The following PCGF2 variants were observed in gnomAD, a reference collection of about 807,000 sequenced individuals.
PCGF2 encodes the protein polycomb group RING finger protein 2.
PCGF2 carries 8 observed loss-of-function variants against 36.1 expected under a neutral mutation model. The ratio of observed to expected loss-of-function variants is 0.22; its 90% confidence interval spans 0.13 to 0.40. The LOEUF is 0.40. Ranked by LOEUF, PCGF2 falls within the 10% of genes least tolerant of loss-of-function variation. The pLI is 1.00. For missense variants in PCGF2, 436 were observed against 475.9 expected (o/e 0.92, Z 0.78); for synonymous variants, 198 against 191.2 (o/e 1.04, Z -0.29).
intron 2 of PCGF2, 121 bp from the exon 3 acceptor site, chr17:38,740,563 T>TC (rs1374909477): frequency 1.6e-6 from 1 of 639,958 alleles, no homozygotes; most frequent in Non-Finnish European, 2.6e-6. Context: ...ATTGAGACCA[T>TC]CTTGACTAAC....
rs376422988 is a variant in PCGF2, at chr17:38,739,623, C to G, written c.172G>C (p.Val58Leu). The G allele has an allele frequency of 6.2e-7, 1 of 1,613,942 alleles. No homozygotes were observed. The highest frequency in any genetic ancestry group is 8.5e-7 in the Non-Finnish European group (1 of 1,179,958). The change falls in exon 4 of 11, where the codon GTG (valine) becomes CTG (leucine). Residue 58 changes from valine (V) to leucine (L), a missense_variant. By Grantham distance (32) the Val-to-Leu change is conservative. This residue lies in a region of PCGF2 where 189 missense variants were observed against 219.3 expected (regional missense o/e 0.86). Transcript: ENST00000620225. The surrounding 1 kb of genome is among the most constrained non-coding windows in gnomAD (Gnocchi z 4.0). ...ETNKYCPMCD[V>L]QVHKTRPLLS... ...AGCGGCCGGGTTTTATGGACCTGCA[C>G]GTCACACATGGGGCAGTATTTGTTG...
chr17:38,745,534 C>T (rs985176090), intron 2 of PCGF2, among the ~76,000 whole-genome samples: 1 of 152,158 alleles, frequency 6.6e-6, no homozygotes, highest in African/African-American at 2.4e-5. Context: ...GAAAAAGAAG[C>T]ACCTGTTCAA....
chr17:38,748,348 GGAGGGA>G (rs1907694908), upstream of PCGF2: 1 of 143,876 alleles, frequency 7.0e-6, no homozygotes, highest in Admixed American at 6.9e-5. Context: ...GCTTGGGGTG[GGAGGGA>G]GAGGGGAGGG....
Position 38,739,770 on chromosome 17 carries a change from C to G in PCGF2, c.113-88G>C. 1 of 919,110 alleles carries G rather than the reference C, an allele frequency of 1.1e-6. No individual in the cohort carries two copies. The highest frequency in any genetic ancestry group is 1.6e-5 in the African/African-American group (1 of 61,974). 56.9% of individuals were successfully genotyped at this position (919,110 alleles called of 1,614,324 possible). A position where few individuals can be genotyped will look rare whatever the true frequency, so the allele number is the denominator to read the frequency against. ...CCGCCCTCTGCTCAGACTCAGATATCCCTCCTCCTCCACCCTGTCCCTGCT... is the reference window on the plus strand; with the variant it reads ...CCGCCCTCTGCTCAGACTCAGATATGCCTCCTCCTCCACCCTGTCCCTGCT... On this transcript the variant is annotated intron_variant, in intron 3 of 10. Coordinates refer to ENST00000620225, the MANE Select transcript of PCGF2 (RefSeq NM_007144.3). The surrounding 1 kb of genome is among the most constrained non-coding windows in gnomAD (Gnocchi z 4.0).
chr17:38,738,106 C>T (rs905564881), intron 9 of PCGF2, among the ~76,000 whole-genome samples: 1 of 152,214 alleles, frequency 6.6e-6, no homozygotes, highest in Non-Finnish European at 1.5e-5. Flanking sequence ...ACCTCTGCCA[C>T]AGTTCCGAGT....
chr17:38,739,275 T>A lies in PCGF2; in HGVS notation c.210-22A>T, dbSNP rs931146937. ...AGACCTGGGGAAAAATGGACAGGGC[T>A]TATCAGCAATGCCTTCTCCAGAGCG... On this transcript the variant is annotated intron_variant, in intron 4 of 10. Transcript: ENST00000620225. The surrounding 1 kb of genome is among the most constrained non-coding windows in gnomAD (Gnocchi z 4.0). 6.2e-7 allele frequency: 1 copy of A among 1,608,336 alleles called. No individual in the cohort carries two copies. Among genetic ancestry groups the A allele is most frequent in the Non-Finnish European group, 8.5e-7 (1 of 1,175,040 alleles).
In PCGF2 at chr17:38,740,281, C is replaced by T. The variant is rs2075057; in HGVS notation, c.112+10G>A. Reference sequence around the variant, plus strand: ...GCCCACCCTGAGCAGCTCCCCTCCCCCCAACTCACAGGAATGCAGGCACTC... The same window carrying T: ...GCCCACCCTGAGCAGCTCCCCTCCCTCCAACTCACAGGAATGCAGGCACTC... On this transcript the variant is annotated intron_variant, in intron 3 of 10. Coordinates refer to ENST00000620225, the MANE Select transcript of PCGF2 (RefSeq NM_007144.3). 103,206 of 1,610,792 alleles carry T rather than the reference C, an allele frequency of 0.064. 7,144 individuals are homozygous for T. Among genetic ancestry groups the T allele is most frequent in the African/African-American group, 0.33 (25,026 of 74,802 alleles).
At position 38,735,001 on chromosome 17, in the gene PCGF2, T is replaced by C. The variant is rs976161308; in HGVS notation, c.*222A>G. 2 of 372,916 alleles carry C rather than the reference T, an allele frequency of 5.4e-6. No individual in the cohort carries two copies. The highest frequency in any genetic ancestry group is 9.5e-6 in the Non-Finnish European group (2 of 210,864). 23.1% of individuals were successfully genotyped at this position (372,916 alleles called of 1,614,324 possible). On this transcript the variant is annotated 3_prime_UTR_variant, in exon 11 of 11. Transcript: ENST00000620225. Reference sequence around the variant, plus strand: ...CCACACATACACACACACATAAAGTTTGTTTCCTGTGGCATTTAAATTAAT... The same window carrying C: ...CCACACATACACACACACATAAAGTCTGTTTCCTGTGGCATTTAAATTAAT...
intron 2 of PCGF2, among the ~76,000 whole-genome samples, chr17:38,744,286 C>G (rs1016120228): frequency 6.6e-6 from 1 of 152,230 alleles, no homozygotes; most frequent in Non-Finnish European, 1.5e-5. Context: ...GCCATTCAAG[C>G]CTGGCACTTG....
At chr17:38,740,770 G>GAA (rs987777709) in intron 2 of PCGF2, among the ~76,000 whole-genome samples, 1 of 151,170 alleles carries the variant, frequency 6.6e-6, no homozygotes, top group Non-Finnish European at 1.5e-5. Context: ...AAAAAGAAAA[G>GAA]AAAAAAGAAA....
At chr17:38,746,884 C>G (rs1422925952) in intron 2 of PCGF2, among the ~76,000 whole-genome samples, 1 of 152,210 alleles carries the variant, frequency 6.6e-6, no homozygotes, top group Non-Finnish European at 1.5e-5. Context: ...TTTATGCTCC[C>G]AGTAATAACA....
At chr17:38,736,746 A>G (rs191317357) in intron 9 of PCGF2, among the ~76,000 whole-genome samples, 1,642 of 152,264 alleles carry the variant, frequency 0.011, 10 homozygotes, top group Non-Finnish European at 0.017. Context: ...AGGCAGGAGA[A>G]TGGCGTGAAC....
In PCGF2 at chr17:38,735,528, G is replaced by A. The variant is rs1478818214; in HGVS notation, c.730C>T (p.Pro244Ser). The A allele has an allele frequency of 1.3e-6, 2 of 1,590,436 alleles. No individual in the cohort carries two copies. Among genetic ancestry groups the A allele is most frequent in the Non-Finnish European group, 8.6e-7 (1 of 1,168,538 alleles). ...KRLTLATVPTPSEGTNTSGAS... is the reference protein window; with the variant it reads ...KRLTLATVPTSSEGTNTSGAS... ...CCGCTGGTGTTGGTGCCCTCGGAGG[G>A]GGTGGGCACCGTGGCTAGGGTGAGC... Residue 244 changes from proline (P) to serine (S), a missense_variant, in exon 11 of 11, where the codon CCC becomes TCC. Physicochemically the swap from Pro to Ser is moderately conservative, Grantham distance 74 (BLOSUM62 -1). Around this residue, in one of 3 missense-constraint regions of PCGF2, gnomAD observed 227 missense variants for 212.9 expected, o/e 1.07. Coordinates refer to ENST00000620225, the MANE Select transcript of PCGF2 (RefSeq NM_007144.3).
intron 3 of PCGF2, 106 bp downstream of exon 3, chr17:38,740,185 G>A: frequency 1.0e-6 from 1 of 987,648 alleles, no homozygotes; most frequent in Non-Finnish European, 1.6e-6. Context: ...TGGGCGCGTT[G>A]GCTCTTTAGG....
intron 10 of PCGF2, among the ~76,000 whole-genome samples, 174 bp downstream of exon 10, chr17:38,735,916 C>T (rs1254508117): frequency 1.3e-5 from 2 of 152,220 alleles, no homozygotes; most frequent in Non-Finnish European, 2.9e-5. Flanking sequence ...AGCGGAAAGT[C>T]ATCCGCAAGA....
rs1906685377 is a variant in PCGF2 at position 38,735,994 on chromosome 17, A to G, written c.657+96T>C. 5 of 845,566 alleles carry G rather than the reference A, an allele frequency of 5.9e-6. No homozygotes were observed. In the Middle Eastern group the frequency reaches 6.5e-4, roughly 110 times the overall value. The allele number at this position is 845,566 out of a possible 1,614,324, so 52.4% of individuals were successfully genotyped here. A position where few individuals can be genotyped will look rare whatever the true frequency, so the allele number is the denominator to read the frequency against. On this transcript the variant is annotated intron_variant, in intron 10 of 10. Transcript: ENST00000620225. ...ATGCAGCTCATGGGATAAGGGACAG[A>G]CTGTCTCTGATTACAGAAGGGTGGC... is the stretch of plus-strand genomic sequence containing the variant.
chr17:38,748,540 G>GGCT (rs1466416670), upstream of PCGF2, among the ~76,000 whole-genome samples: 1 of 152,142 alleles, frequency 6.6e-6, no homozygotes, highest in Non-Finnish European at 1.5e-5. Flanking sequence ...CCCCGCCACC[G>GGCT]GCTGCCGGGT....
chr17:38,747,234 A>T (rs898011832), intron 2 of PCGF2, among the ~76,000 whole-genome samples: 7 of 152,010 alleles, frequency 4.6e-5, no homozygotes, highest in African/African-American at 1.7e-4. Flanking sequence ...CACCGTGGAG[A>T]CAGGCAGGGG....
At chr17:38,747,272 C>T (rs1164092920) in intron 2 of PCGF2, among the ~76,000 whole-genome samples, 1 of 152,094 alleles carries the variant, frequency 6.6e-6, no homozygotes, top group Non-Finnish European at 1.5e-5. Context: ...GGTCCCACGC[C>T]CTCAGAGCTA....
Sources: allele counts gnomAD v4.1 joint callset (sites outside exome capture counted in the v4.1 genomes callset), GRCh38; gene constraint gnomAD v4.1.1; regional missense constraint gnomAD v4.1.1; non-coding constraint Gnocchi (gnomAD v3.1); transcripts MANE v1.5; gene names NCBI Gene and HGNC (gene_info 2026-07-23, HGNC 2026-07-21).